The following NRCAM variants were observed in gnomAD, a reference collection of about 807,000 sequenced individuals.
NRCAM encodes NgCAM-related cell adhesion molecule.
Under a neutral mutation model 156.5 loss-of-function variants are expected in NRCAM, and 83 were observed. The ratio of observed to expected loss-of-function variants is 0.53; its 90% CI spans 0.44 to 0.64. The LOEUF is 0.64. NRCAM is among the 30% of genes least tolerant of loss of function. The pLI is 0.00. For synonymous variants in NRCAM, 538 were observed against 563.9 expected (o/e 0.95, Z 0.65); for missense variants, 1,417 against 1,597.3 (o/e 0.89, Z 1.92).
intron 5 of NRCAM, among the ~76,000 whole-genome samples, chr7:108,236,221 CCTCTT>C (rs770443703): frequency 6.6e-6 from 1 of 152,140 alleles, no homozygotes; most frequent in Non-Finnish European, 1.5e-5. Flanking sequence ...CCGGTTGCGT[CCTCTT>C]CTCTTGTCTT....
At chr7:108,388,000 A>G (rs1427307109) in intron 2 of NRCAM, among the ~76,000 whole-genome samples, 17 of 152,164 alleles carry the variant, frequency 1.1e-4, no homozygotes, top group Non-Finnish European at 1.8e-4. Context: ...GCTATTGTGA[A>G]TAGTGCTGCA....
intron 29 of NRCAM, 47 bp from the exon 30 acceptor site, chr7:108,167,120 C>A (rs747860621): frequency 7.4e-6 from 11 of 1,482,298 alleles, no homozygotes; most frequent in Admixed American, 5.6e-5. Context: ...TTTAAGGGAC[C>A]AGAAGTCACT....
At chr7:108,345,691 G>A (rs2099348300) in intron 2 of NRCAM, among the ~76,000 whole-genome samples, 1 of 152,156 alleles carries the variant, frequency 6.6e-6, no homozygotes, top group African/African-American at 2.4e-5. Flanking sequence ...CTGCAAACCA[G>A]GAACAGGGCC....
At chr7:108,277,610 A>G (rs1265722509) in intron 3 of NRCAM, among the ~76,000 whole-genome samples, 2 of 151,940 alleles carry the variant, frequency 1.3e-5, no homozygotes, top group Admixed American at 1.3e-4. Context: ...TCTTCTCTAC[A>G]CTGGTTATTC....
chr7:108,210,802 G>A (rs943650147), intron 11 of NRCAM, among the ~76,000 whole-genome samples: 2 of 152,188 alleles, frequency 1.3e-5, no homozygotes, highest in Non-Finnish European at 2.9e-5. Flanking sequence ...ACCAAGCACT[G>A]AGCTGTGTGT....
At chr7:108,288,287 C>T (rs1342454835) in intron 3 of NRCAM, among the ~76,000 whole-genome samples, 2 of 151,956 alleles carry the variant, frequency 1.3e-5, no homozygotes, top group Non-Finnish European at 2.9e-5. Context: ...CTATTGGGTA[C>T]GATGTTCACT....
chr7:108,304,794 G>A (rs1244904336), intron 3 of NRCAM, among the ~76,000 whole-genome samples: 1 of 152,088 alleles, frequency 6.6e-6, no homozygotes, highest in Non-Finnish European at 1.5e-5. Flanking sequence ...TAAAAGAAAG[G>A]CTTTCCATTA....
At chr7:108,260,493 T>C (rs1325890424) in intron 3 of NRCAM, among the ~76,000 whole-genome samples, 1 of 152,066 alleles carries the variant, frequency 6.6e-6, no homozygotes, top group East Asian at 1.9e-4. Flanking sequence ...GTGTGACTGA[T>C]TGCTCAATCC....
At chr7:108,438,777 TAAAC>T (rs1465107940) in intron 1 of NRCAM, among the ~76,000 whole-genome samples, 5 of 152,132 alleles carry the variant, frequency 3.3e-5, no homozygotes, top group African/African-American at 1.2e-4. Context: ...CTAGAATTAA[TAAAC>T]AAGTTTAGCA....
intron 11 of NRCAM, among the ~76,000 whole-genome samples, chr7:108,215,887 A>T (rs1352376162): frequency 6.6e-6 from 1 of 152,060 alleles, no homozygotes; most frequent in African/African-American, 2.4e-5. Context: ...TGCGTCTTTT[A>T]ATTTGGGCAT....
chr7:108,295,686 T>C (rs943924114), intron 3 of NRCAM, among the ~76,000 whole-genome samples: 27 of 152,262 alleles, frequency 1.8e-4, no homozygotes, highest in Non-Finnish European at 5.9e-5. Flanking sequence ...CATTCATTGT[T>C]TCTTGTTATT....
At chr7:108,255,164 T>TCCCCCCCC (rs2096566272) in intron 3 of NRCAM, among the ~76,000 whole-genome samples, 1 of 111,834 alleles carries the variant, frequency 8.9e-6, no homozygotes, top group African/African-American at 4.4e-5. Flanking sequence ...CCTCTCCCTC[T>TCCCCCCCC]CCCCCTCCCC....
At chr7:108,442,777 A>G (rs1375508975) in intron 1 of NRCAM, among the ~76,000 whole-genome samples, 1 of 152,224 alleles carries the variant, frequency 6.6e-6, no homozygotes, top group Non-Finnish European at 1.5e-5. Context: ...TAAAGAGCTC[A>G]TACTGAAACA....
At chr7:108,455,473 C>G (rs1238728032) in intron 1 of NRCAM, among the ~76,000 whole-genome samples, 1 of 151,958 alleles carries the variant, frequency 6.6e-6, no homozygotes. Flanking sequence ...CAGCCCGGTG[C>G]GCCGGCCCCG....
intron 2 of NRCAM, among the ~76,000 whole-genome samples, chr7:108,388,785 C>T (rs2099749868): frequency 6.6e-6 from 1 of 152,176 alleles, no homozygotes; most frequent in Admixed American, 6.5e-5. Flanking sequence ...TACGGCTAGC[C>T]AGTTTTCCCA....
At chr7:108,182,068 C>A in intron 23 of NRCAM, 131 bp from the exon 24 acceptor site, 1 of 608,050 alleles carries the variant, frequency 1.6e-6, no homozygotes. Context: ...AAGGCTTGAA[C>A]ACAGATTTTG....
chr7:108,254,717 T>G (rs558479814), intron 3 of NRCAM, among the ~76,000 whole-genome samples: 2 of 151,912 alleles, frequency 1.3e-5, no homozygotes, highest in Non-Finnish European at 2.9e-5. Context: ...ACCCACCTAG[T>G]TTTTTTTATT....
chr7:108,236,574 GA>G (rs2095036850), intron 5 of NRCAM, among the ~76,000 whole-genome samples: 1 of 152,112 alleles, frequency 6.6e-6, no homozygotes, highest in South Asian at 2.1e-4. Context: ...TCCTGAGAGG[GA>G]AAATAAAGTT....
At chr7:108,165,148 T>C (rs16885653) in intron 30 of NRCAM, among the ~76,000 whole-genome samples, 2,849 of 152,310 alleles carry the variant, frequency 0.019, 101 homozygotes, top group African/African-American at 0.065. Flanking sequence ...GGGTCCAGAA[T>C]CACTGATTGG....
Sources: gnomAD v4.1 joint callset for allele counts (sites outside exome capture counted in the v4.1 genomes callset) on GRCh38, gnomAD v4.1.1 for gene constraint, MANE v1.5 for transcripts, NCBI Gene and HGNC (gene_info 2026-07-23, HGNC 2026-07-21) for gene names.